The following ADGRE1 variants were observed in gnomAD, a reference collection of about 807,000 sequenced individuals.
The protein encoded by ADGRE1 is adhesion G protein-coupled receptor E1, also known as EGF-like module receptor 1.
A neutral mutation model predicts 102.7 loss-of-function variants in ADGRE1; 82 were observed. The observed-to-expected ratio is 0.80, with a 90% CI of 0.67 to 0.96. ADGRE1 has a LOEUF of 0.96. Ranked by LOEUF, ADGRE1 falls within the 40% of genes least tolerant of loss-of-function variation. The pLI, the probability that ADGRE1 is intolerant of heterozygous loss-of-function variation, is 0.00. For synonymous variants in ADGRE1, 398 were observed against 399.6 expected, an observed-to-expected ratio of 1.00 and a Z score of 0.05; for missense variants, 1,032 against 1,085.3, an observed-to-expected ratio of 0.95 and a Z score of 0.69.
In ADGRE1 at chr19:6,937,571, A is replaced by G. The variant is rs1318898049; in HGVS notation, c.2578A>G (p.Thr860Ala). The change falls in exon 20 of 21, where the codon ACT becomes GCT. Residue 860 changes from threonine (T) to alanine (A), a missense_variant. Thr to Ala is a moderately conservative substitution (Grantham distance 58). Coordinates refer to ENST00000312053, the MANE Select transcript of ADGRE1 (RefSeq NM_001974.5). The stretch of plus-strand genomic sequence containing the variant: ...ACGAGAAGAATACAAGAGGTGGATC[A>G]CTGGGAAGACGAAGCCCAGCTCCCA... ...QVREEYKRWI[T>A]GKTKPSSQSQ... is the part of the protein sequence containing the mutation. 1 of 1,614,016 alleles carries G rather than the reference A, an allele frequency of 6.2e-7. No homozygotes were observed. The highest frequency in any genetic ancestry group is 2.2e-5 in the East Asian group (1 of 44,872).
At chr19:6,924,126 C>T (rs1011356572) in intron 14 of ADGRE1, among the ~76,000 whole-genome samples, 1 of 151,270 alleles carries the variant, frequency 6.6e-6, no homozygotes. Flanking sequence ...ATTGGGTGCT[C>T]ACAAAAATCT....
intron 16 of ADGRE1, among the ~76,000 whole-genome samples, chr19:6,927,687 G>C (rs1974978487): frequency 6.6e-6 from 1 of 151,990 alleles, no homozygotes; most frequent in Admixed American, 6.6e-5. Context: ...TTGAGACAGA[G>C]TTTTGCTCTT....
At chr19:6,928,247 T>A in intron 17 of ADGRE1, 36 bp downstream of exon 17, 2 of 1,614,042 alleles carry the variant, frequency 1.2e-6, no homozygotes, top group Non-Finnish European at 1.7e-6. Flanking sequence ...CGAAGTGTGT[T>A]CTGAAGGAGG....
rs141986863 is a variant in ADGRE1 at position 6,913,820 on chromosome 19, G to A, written c.1290G>A (p.Thr430=). Residue 430 remains threonine, a synonymous_variant, in exon 11 of 21, where the codon ACG becomes ACA. Transcript: ENST00000312053. ...CAAATATCACTCCGGCTGTTCGGACGGAATACTTAGGTAGGAGACACCCTT... is the reference window on the plus strand; with the variant it reads ...CAAATATCACTCCGGCTGTTCGGACAGAATACTTAGGTAGGAGACACCCTT... ...PSANITPAVR[T]EYLDIESKVI... The A allele has an allele frequency of 1.4e-4, 219 of 1,592,858 alleles. No homozygotes were observed. The African/African-American group carries it at 2.1e-3, about 15-fold the overall frequency.
chr19:6,924,950 C>T, intron 15 of ADGRE1, 78 bp downstream of exon 15: 1 of 1,481,784 alleles, frequency 6.7e-7, no homozygotes, highest in Non-Finnish European at 9.3e-7. Context: ...AGCCAACTCC[C>T]TCTATCCCTG....
chr19:6,922,159 G>A (rs748086197), intron 14 of ADGRE1, among the ~76,000 whole-genome samples: 9 of 152,170 alleles, frequency 5.9e-5, no homozygotes, highest in Non-Finnish European at 8.8e-5. Flanking sequence ...CACATACAGT[G>A]TGCTGGGCTC....
intron 1 of ADGRE1, among the ~76,000 whole-genome samples, chr19:6,888,289 T>G (rs1327008476): frequency 6.6e-6 from 1 of 152,130 alleles, no homozygotes; most frequent in Non-Finnish European, 1.5e-5. Flanking sequence ...TTATAGAATG[T>G]GGTCGGGAGT....
At chr19:6,920,254 C>G (rs1379740811) in intron 13 of ADGRE1, among the ~76,000 whole-genome samples, 1 of 114,852 alleles carries the variant, frequency 8.7e-6, no homozygotes, top group African/African-American at 4.2e-5. Context: ...TAGTCTCACT[C>G]TGTCACCCAG....
intron 1 of ADGRE1, 140 bp from the exon 2 acceptor site, chr19:6,890,341 A>G (rs1973314286): frequency 2.9e-6 from 2 of 697,002 alleles, no homozygotes; most frequent in East Asian, 2.7e-5. Flanking sequence ...TTGTTCCTTA[A>G]CTAGGTTTGT....
rs1326845331 is a variant in ADGRE1 at position 6,916,355 on chromosome 19, A to G, written c.1407A>G (p.Glu469=). ...AGATCGGGTGTTCCACAATTGAGGA[A>G]TCTGAATCCACAGGTACAGGTCCTC... ...KMKIGCSTIE[E]SESTETTGVA... The change falls in exon 12 of 21, where the codon GAA becomes GAG. Residue 469 remains glutamate, a synonymous_variant. Transcript: ENST00000312053. The G allele has an allele frequency of 6.2e-7, 1 of 1,613,394 alleles. No homozygotes were observed. Among genetic ancestry groups the G allele is most frequent in the Non-Finnish European group, 8.5e-7 (1 of 1,179,672 alleles).
chr19:6,890,036 C>T (rs1280136518), intron 1 of ADGRE1, among the ~76,000 whole-genome samples: 1 of 152,092 alleles, frequency 6.6e-6, no homozygotes, highest in Non-Finnish European at 1.5e-5. Flanking sequence ...CCTCAGCCTC[C>T]TGAGTAGCTG....
chr19:6,917,939 G>T (rs143670984), intron 12 of ADGRE1, among the ~76,000 whole-genome samples: 1,805 of 152,222 alleles, frequency 0.012, 31 homozygotes, highest in African/African-American at 0.041. Context: ...GCTAGGGGAA[G>T]GCAAGGACAT....
intron 17 of ADGRE1, among the ~76,000 whole-genome samples, chr19:6,930,795 G>A (rs8110391): frequency 2.0e-5 from 3 of 151,700 alleles, no homozygotes; most frequent in Admixed American, 6.6e-5. Context: ...GCGCCACCAC[G>A]CCCAGCTAAT....
At chr19:6,927,849 G>A (rs1443792811) in intron 16 of ADGRE1, among the ~76,000 whole-genome samples, 1 of 152,030 alleles carries the variant, frequency 6.6e-6, no homozygotes, top group African/African-American at 2.4e-5. Flanking sequence ...TGAATGATAA[G>A]GTGTACCAGT....
chr19:6,899,817 G>A (rs779400490), intron 5 of ADGRE1, among the ~76,000 whole-genome samples: 2 of 152,042 alleles, frequency 1.3e-5, no homozygotes, highest in Non-Finnish European at 2.9e-5. Flanking sequence ...AATCAGCCGG[G>A]CGCAGTGGCT....
chr19:6,910,983 T>C (rs1974154349), intron 10 of ADGRE1, among the ~76,000 whole-genome samples: 1 of 149,934 alleles, frequency 6.7e-6, no homozygotes, highest in South Asian at 2.1e-4. Flanking sequence ...TTTTCTAACT[T>C]TCCTGAGGAT....
Position 6,902,031 on chromosome 19 carries a change from G to C in ADGRE1, c.661+10G>C, listed in dbSNP as rs762159318. On this transcript the variant is annotated intron_variant, in intron 6 of 20. Transcript: ENST00000312053. ...AAAGCATCGTGTGAAGGTAGGTGGG[G>C]GTGTCTTCTGAGAAGTCAGGTCCAA... The C allele has an allele frequency of 6.2e-7, 1 of 1,613,982 alleles. No individual in the cohort carries two copies. The highest frequency in any genetic ancestry group is 1.7e-5 in the Admixed American group (1 of 60,006).
chr19:6,894,708 G>A (rs148757003), intron 2 of ADGRE1, among the ~76,000 whole-genome samples: 84 of 152,314 alleles, frequency 5.5e-4, no homozygotes, highest in Non-Finnish European at 1.0e-3. Flanking sequence ...GAGATCAAAT[G>A]TGCATTCAGA....
At position 6,904,118 on chromosome 19, in the gene ADGRE1, C is replaced by T. The variant is rs755734926; in HGVS notation, c.885C>T (p.Gly295=). The part of the protein sequence containing the change: ...CTNALGSYSC[G]CIAGFHPNPE... ...ATGCCCTGGGCTCCTACAGCTGTGGCTGCATTGCAGGCTTTCATCCCAATC... is the reference window on the plus strand; with the variant it reads ...ATGCCCTGGGCTCCTACAGCTGTGGTTGCATTGCAGGCTTTCATCCCAATC... The change falls in exon 8 of 21, where the codon GGC becomes GGT. Residue 295 remains glycine (G), a synonymous_variant. Transcript: ENST00000312053. The T allele has an allele frequency of 9.9e-6, 16 of 1,614,114 alleles. No homozygotes were observed. The highest frequency in any genetic ancestry group is 1.4e-5 in the Non-Finnish European group (16 of 1,180,046).
Sources: gnomAD v4.1 joint callset for allele counts (sites outside exome capture counted in the v4.1 genomes callset) on GRCh38, gnomAD v4.1.1 for gene constraint, MANE v1.5 for transcripts, NCBI Gene and HGNC (gene_info 2026-07-23, HGNC 2026-07-21) for gene names.